The following PLCL1 variants were observed in gnomAD, a reference collection of about 807,000 sequenced individuals.
PLCL1 encodes the protein phospholipase C like 1 (inactive).
A neutral mutation model predicts 84.4 loss-of-function variants in PLCL1; 41 were observed. The ratio of observed to expected loss-of-function variants is 0.49; its 90% CI spans 0.38 to 0.63. The LOEUF (loss-of-function observed/expected upper bound fraction) is 0.63, where lower values mean the gene tolerates loss of function less well. Ranked by LOEUF, PLCL1 falls within the 30% of genes least tolerant of loss-of-function variation. PLCL1 has a pLI of 0.00. For missense variants in PLCL1, 1,206 were observed against 1,367.8 expected (o/e 0.88, Z 1.87); for synonymous variants, 490 against 488.3 (o/e 1.00, Z -0.05).
chr2:198,060,923 G>A (rs1229889961), intron 1 of PLCL1, among the ~76,000 whole-genome samples: 1 of 152,158 alleles, frequency 6.6e-6, no homozygotes, highest in Non-Finnish European at 1.5e-5. Context: ...ATATTGATGT[G>A]TTAAATATTG....
At chr2:198,001,987 T>C (rs1188841680) in intron 1 of PLCL1, 1 of 440,060 alleles carries the variant, frequency 2.3e-6, no homozygotes, top group Admixed American at 2.4e-5. Context: ...CAGCTCAGAG[T>C]TTCCACTGAT....
At chr2:198,052,171 CA>C (rs1298355790) in intron 1 of PLCL1, among the ~76,000 whole-genome samples, 1 of 152,214 alleles carries the variant, frequency 6.6e-6, no homozygotes, top group Admixed American at 6.5e-5. Context: ...CTTGGCCTCC[CA>C]AAGTGCTGGG....
chr2:198,025,293 G>C (rs2105843673), intron 1 of PLCL1, among the ~76,000 whole-genome samples: 1 of 151,794 alleles, frequency 6.6e-6, no homozygotes, highest in East Asian at 1.9e-4. Context: ...GCATATATAA[G>C]ATAATAATAT....
At chr2:197,914,301 C>T (rs1688546649) in intron 1 of PLCL1, among the ~76,000 whole-genome samples, 1 of 151,628 alleles carries the variant, frequency 6.6e-6, no homozygotes, top group Non-Finnish European at 1.5e-5. Flanking sequence ...ATATATAGGT[C>T]CTATTTGCTT....
At chr2:198,113,378 G>A (rs768748068) in intron 5 of PLCL1, among the ~76,000 whole-genome samples, 3 of 151,854 alleles carry the variant, frequency 2.0e-5, no homozygotes, top group Non-Finnish European at 4.4e-5. Context: ...TAGGTGACAG[G>A]CTTTGTGCTT....
At chr2:197,955,431 T>TA (rs34953848) in intron 1 of PLCL1, among the ~76,000 whole-genome samples, 38,557 of 143,378 alleles carry the variant, frequency 0.27, 6,156 homozygotes, top group Middle Eastern at 0.41. Context: ...TTATTTCTTC[T>TA]AAAAAAAAAA....
At chr2:197,823,612 C>T (rs980183654) in intron 1 of PLCL1, among the ~76,000 whole-genome samples, 3 of 152,114 alleles carry the variant, frequency 2.0e-5, no homozygotes, top group Non-Finnish European at 4.4e-5. Context: ...ATGTTTGAGT[C>T]ATGGAGCAAA....
intron 1 of PLCL1, among the ~76,000 whole-genome samples, chr2:197,919,879 G>A (rs1688672014): frequency 6.6e-6 from 1 of 152,184 alleles, no homozygotes; most frequent in Admixed American, 6.5e-5. Flanking sequence ...GTCTCTGGAA[G>A]AAAATGACAA....
rs1469324964 is a variant in PLCL1 at position 198,101,326 on chromosome 2, A to T, written c.2961A>T (p.Thr987=). The change falls in exon 4 of 6, where the codon ACA becomes ACT. Residue 987 remains threonine, a synonymous_variant. Transcript: ENST00000428675. ...ESRFLIEMAD[T]VQEKIVQCQK... is the part of the protein sequence containing the mutation. Reference sequence around the variant, plus strand: ...GGTTTCTCATAGAAATGGCGGACACAGTCCAGGAAAAGATTGTACAGTGTC... The same window carrying T: ...GGTTTCTCATAGAAATGGCGGACACTGTCCAGGAAAAGATTGTACAGTGTC... 6.3e-7 allele frequency: 1 copy of T among 1,598,200 alleles called. No individual in the cohort carries two copies. The highest frequency in any genetic ancestry group is 8.6e-7 in the Non-Finnish European group (1 of 1,167,488).
rs527278895 is a variant in PLCL1, at chr2:197,921,890, G to A, written c.240+116551G>A. 2.0e-5 allele frequency among the ~76,000 whole-genome samples: 3 copies of A among 150,734 alleles called. No homozygotes were observed. The South Asian group carries it at 6.3e-4, about 31-fold the overall frequency. ...TTGTGTTATTATCTTTATATTTAAT[G>A]TTTCTATATTTTCTCCTTTTGTATT... On this transcript the variant is annotated intron_variant, in intron 1 of 5. Coordinates refer to ENST00000428675, the MANE Select transcript of PLCL1 (RefSeq NM_006226.4).
chr2:197,952,297 C>G (rs1271168267), intron 1 of PLCL1, among the ~76,000 whole-genome samples: 1 of 152,098 alleles, frequency 6.6e-6, no homozygotes, highest in African/African-American at 2.4e-5. Context: ...CTTCCCAGCC[C>G]TAAGTTAGTA....
At position 198,126,632 on chromosome 2, in the gene PLCL1, C is replaced by T. The variant is rs551225508; in HGVS notation, c.3106-20148C>T. ...AAAAATGATAGAGCCAGGCCAAGCGCGGTGGCTCATTCCTGTAATCCCAGC... is the reference window on the plus strand; with the variant it reads ...AAAAATGATAGAGCCAGGCCAAGCGTGGTGGCTCATTCCTGTAATCCCAGC... On this transcript the variant is annotated intron_variant, in intron 5 of 5. Coordinates refer to ENST00000428675, the MANE Select transcript of PLCL1 (RefSeq NM_006226.4). 1.1e-4 allele frequency among the ~76,000 whole-genome samples: 17 copies of T among 152,176 alleles called. No individual in the cohort carries two copies. The South Asian group carries it at 3.5e-3, about 32-fold the overall frequency.
In PLCL1 at chr2:198,019,639, G is replaced by A. The variant is rs531949250; in HGVS notation, c.241-64119G>A. ...ATCAAGTGAAAGAAAGGATATCAGA[G>A]ATTGAAGATCAACTTAATGAAATAA... On this transcript the variant is annotated intron_variant, in intron 1 of 5. Coordinates refer to ENST00000428675, the MANE Select transcript of PLCL1 (RefSeq NM_006226.4). Among the ~76,000 whole-genome samples the A allele has an allele frequency of 1.1e-3, 161 of 152,264 alleles. 1 individual carries two copies. Among genetic ancestry groups the A allele is most frequent in the African/African-American group, 3.8e-3 (158 of 41,536 alleles).
At chr2:198,062,046 T>G (rs893675525) in intron 1 of PLCL1, among the ~76,000 whole-genome samples, 1 of 152,218 alleles carries the variant, frequency 6.6e-6, no homozygotes, top group Non-Finnish European at 1.5e-5. Context: ...CCTCTTCATC[T>G]GAGTACATTG....
At chr2:198,076,802 A>T (rs1692585133) in intron 1 of PLCL1, among the ~76,000 whole-genome samples, 1 of 152,230 alleles carries the variant, frequency 6.6e-6, no homozygotes, top group East Asian at 1.9e-4. Flanking sequence ...ATAGTTGCAG[A>T]CTTCCCTTTT....
At chr2:198,062,421 C>T (rs1042625502) in intron 1 of PLCL1, among the ~76,000 whole-genome samples, 4 of 152,068 alleles carry the variant, frequency 2.6e-5, no homozygotes, top group African/African-American at 4.8e-5. Context: ...ACAATTTATA[C>T]GTAACTCAAT....
At chr2:197,946,722 A>G (rs1051478248) in intron 1 of PLCL1, among the ~76,000 whole-genome samples, 1 of 152,190 alleles carries the variant, frequency 6.6e-6, no homozygotes, top group Non-Finnish European at 1.5e-5. Flanking sequence ...TTTCCTTGGA[A>G]AAATGCCTTG....
At chr2:198,063,482 G>A (rs575151678) in intron 1 of PLCL1, among the ~76,000 whole-genome samples, 1 of 152,116 alleles carries the variant, frequency 6.6e-6, no homozygotes, top group Admixed American at 6.5e-5. Flanking sequence ...GAAGAGAAAG[G>A]TCACTTGGCT....
Position 198,084,271 on chromosome 2 carries a change from G to A in PLCL1, c.754G>A (p.Asp252Asn). 6.2e-7 allele frequency: 1 copy of A among 1,614,168 alleles called. No homozygotes were observed. Among genetic ancestry groups the A allele is most frequent in the South Asian group, 1.1e-5 (1 of 91,082 alleles). Residue 252 changes from aspartate (D) to asparagine (N), a missense_variant, in exon 2 of 6, where the codon GAT (aspartate) becomes AAT (asparagine). Asp to Asn is a conservative substitution (Grantham distance 23, BLOSUM62 1). Transcript: ENST00000428675. ...MWLKTVFEAA[D>N]VDGNGIMLED... Reference sequence around the variant, plus strand: ...GTTGAAAACAGTGTTTGAAGCAGCAGATGTTGATGGGAATGGGATTATGTT... The same window carrying A: ...GTTGAAAACAGTGTTTGAAGCAGCAAATGTTGATGGGAATGGGATTATGTT...
Sources: allele counts gnomAD v4.1 joint callset (sites outside exome capture counted in the v4.1 genomes callset), GRCh38; gene constraint gnomAD v4.1.1; transcripts MANE v1.5; gene names NCBI Gene and HGNC (gene_info 2026-07-23, HGNC 2026-07-21).